CACNA1E: variants seen among roughly 807,000 people sequenced by gnomAD.
CACNA1E encodes voltage-dependent R-type calcium channel subunit alpha-1E.
Under a neutral mutation model 259.2 loss-of-function variants are expected in CACNA1E, and 40 were observed. The ratio of observed to expected loss-of-function variants is 0.15; its 90% CI spans 0.12 to 0.20. CACNA1E has a LOEUF of 0.20. Ranked by LOEUF, CACNA1E falls within the 10% of genes least tolerant of loss-of-function variation. CACNA1E has a pLI of 1.00. For missense variants in CACNA1E, 1,874 were observed against 3,040.1 expected (o/e 0.62, Z 9.02); for synonymous variants, 1,104 against 1,138.5 (o/e 0.97, Z 0.61).
At chr1:181,513,826 G>A (rs1666346911) in intron 3 of CACNA1E, among the ~76,000 whole-genome samples, 1 of 152,192 alleles carries the variant, frequency 6.6e-6, no homozygotes, top group Non-Finnish European at 1.5e-5. Context: ...TGCTGAGCTT[G>A]GCTGAGTCAG....
intron 7 of CACNA1E, among the ~76,000 whole-genome samples, chr1:181,668,536 T>A (rs1460835488): frequency 1.3e-5 from 2 of 152,172 alleles, no homozygotes; most frequent in Non-Finnish European, 2.9e-5. Flanking sequence ...GGCCATATGG[T>A]AAGTGCATGT....
chr1:181,647,618 T>G (rs1433907996), intron 6 of CACNA1E, among the ~76,000 whole-genome samples: 2 of 152,198 alleles, frequency 1.3e-5, no homozygotes, highest in African/African-American at 4.8e-5. Flanking sequence ...TTGCTGCTGC[T>G]TTTTTAATCT....
At chr1:181,738,527 A>T in intron 24 of CACNA1E, 101 bp downstream of exon 24, 2 of 902,594 alleles carry the variant, frequency 2.2e-6, no homozygotes, top group Middle Eastern at 2.2e-4. Context: ...CTACCAGCCA[A>T]TGGCAGCCCT....
At chr1:181,748,419 AG>A (rs1657297748) in intron 25 of CACNA1E, among the ~76,000 whole-genome samples, 1 of 152,208 alleles carries the variant, frequency 6.6e-6, no homozygotes, top group Admixed American at 6.5e-5. Flanking sequence ...TCCTTTATCC[AG>A]GTGTGTGGGA....
intron 6 of CACNA1E, among the ~76,000 whole-genome samples, chr1:181,599,340 C>T (rs1236807786): frequency 6.6e-6 from 1 of 152,084 alleles, no homozygotes; most frequent in Admixed American, 6.6e-5. Flanking sequence ...GTATATGTAC[C>T]ACATTTGCTT....
At chr1:181,380,030 A>G (rs1655355972) in intron 1 of CACNA1E, among the ~76,000 whole-genome samples, 1 of 148,060 alleles carries the variant, frequency 6.8e-6, no homozygotes, top group African/African-American at 2.5e-5. Flanking sequence ...TTTAAATATA[A>G]TATGTATTTG....
intron 5 of CACNA1E, among the ~76,000 whole-genome samples, chr1:181,580,379 T>C (rs903059566): frequency 6.6e-6 from 1 of 152,144 alleles, no homozygotes; most frequent in Admixed American, 6.5e-5. Context: ...GAGGAGAGGC[T>C]CCATTTTTCA....
chr1:181,462,175 G>A (rs1661864973), intron 2 of CACNA1E, among the ~76,000 whole-genome samples: 1 of 152,178 alleles, frequency 6.6e-6, no homozygotes, highest in South Asian at 2.1e-4. Context: ...AATACAAAAA[G>A]ATTGTAGTTT....
At chr1:181,774,783 C>G (rs1659827755) in intron 37 of CACNA1E, among the ~76,000 whole-genome samples, 1 of 152,246 alleles carries the variant, frequency 6.6e-6, no homozygotes, top group East Asian at 1.9e-4. Context: ...TCTGGCACCT[C>G]TGTGCACCTG....
intron 6 of CACNA1E, among the ~76,000 whole-genome samples, chr1:181,640,853 G>T (rs1435790471): frequency 6.6e-6 from 1 of 152,178 alleles, no homozygotes; most frequent in African/African-American, 2.4e-5. Flanking sequence ...TCTCCTGTTT[G>T]TGGAGTAATA....
chr1:181,517,636 G>A (rs1023639909), intron 3 of CACNA1E, among the ~76,000 whole-genome samples: 1 of 151,914 alleles, frequency 6.6e-6, no homozygotes, highest in Non-Finnish European at 1.5e-5. Flanking sequence ...GGGAGCAGGG[G>A]AGAGGAGAGC....
At chr1:181,325,465 C>T (rs961357856) in intron 1 of CACNA1E, among the ~76,000 whole-genome samples, 2 of 152,072 alleles carry the variant, frequency 1.3e-5, no homozygotes, top group South Asian at 2.1e-4. Flanking sequence ...ATAGCACCCT[C>T]GAGAACTTCT....
chr1:181,343,790 A>T (rs1384560807), intron 1 of CACNA1E, among the ~76,000 whole-genome samples: 2 of 152,092 alleles, frequency 1.3e-5, no homozygotes, highest in Non-Finnish European at 2.9e-5. Flanking sequence ...TCTAAAGAGG[A>T]AACCTGGTGA....
intron 39 of CACNA1E, among the ~76,000 whole-genome samples, chr1:181,782,043 C>CT (rs1660475296): frequency 6.6e-6 from 1 of 152,190 alleles, no homozygotes; most frequent in African/African-American, 2.4e-5. Flanking sequence ...CAAATGTTTT[C>CT]ACCCATGACA....
intron 7 of CACNA1E, among the ~76,000 whole-genome samples, chr1:181,686,806 A>G (rs1401789078): frequency 6.6e-6 from 1 of 152,188 alleles, no homozygotes; most frequent in Non-Finnish European, 1.5e-5. Context: ...CAGCACCTTC[A>G]TGTGAAGAGT....
chr1:181,664,887 T>A (rs1408790656), intron 7 of CACNA1E, among the ~76,000 whole-genome samples: 1 of 152,152 alleles, frequency 6.6e-6, no homozygotes, highest in African/African-American at 2.4e-5. Flanking sequence ...ACATAAATAA[T>A]CAAAACAAGG....
chr1:181,426,943 T>TCTCAACACCTTCACAA, intron 2 of CACNA1E, among the ~76,000 whole-genome samples: 1 of 122,086 alleles, frequency 8.2e-6, no homozygotes. Flanking sequence ...CCGCTGCCCA[T>TCTCAACACCTTCACAA]CTCAACCCCT....
chr1:181,445,023 GAT>G (rs925692156), intron 2 of CACNA1E, among the ~76,000 whole-genome samples: 40 of 152,234 alleles, frequency 2.6e-4, no homozygotes, highest in African/African-American at 9.6e-4. Flanking sequence ...ACTAGTTTTA[GAT>G]ATGTTCCTAA....
intron 7 of CACNA1E, among the ~76,000 whole-genome samples, chr1:181,688,347 C>G (rs1650795449): frequency 6.6e-6 from 1 of 152,122 alleles, no homozygotes; most frequent in South Asian, 2.1e-4. Flanking sequence ...CGCTGCTGAG[C>G]AGAATTCTAC....
Sources: allele counts gnomAD v4.1 joint callset (sites outside exome capture counted in the v4.1 genomes callset), GRCh38; gene constraint gnomAD v4.1.1; transcripts MANE v1.5; gene names NCBI Gene and HGNC (gene_info 2026-07-23, HGNC 2026-07-21).